Variants in SHBG observed in about 807,000 individuals in gnomAD.
SHBG encodes the protein sex hormone-binding globulin.
A neutral mutation model predicts 41.9 loss-of-function variants in SHBG; 37 were observed. The observed-to-expected ratio is 0.88, with a 90% CI of 0.68 to 1.16. The LOEUF (loss-of-function observed/expected upper bound fraction) is 1.16. Among genes scored for constraint, SHBG ranks in the 50% most tolerant of loss-of-function variants. SHBG has a pLI of 0.00. For missense variants in SHBG, 466 were observed against 499.9 expected, an observed-to-expected ratio of 0.93 and a Z score of 0.65; for synonymous variants, 217 against 205.8, an observed-to-expected ratio of 1.05 and a Z score of -0.47.
At chr17:7,628,145 AC>A (rs747334630), upstream of SHBG, 20 of 458,688 alleles carry the variant, frequency 4.4e-5, no homozygotes, top group Non-Finnish European at 4.4e-6. Flanking sequence ...ACCCGCCCAG[AC>A]CCTGGGTAAG....
At chr17:7,626,713 T>A (rs369574746), upstream of SHBG, 61 of 1,613,986 alleles carry the variant, frequency 3.8e-5, no homozygotes, top group African/African-American at 6.8e-4. Context: ...ATACCCTTGC[T>A]TCTTCAGGTC....
At position 7,630,702 on chromosome 17, in the gene SHBG, C is replaced by A. The variant is rs745807575; in HGVS notation, c.226C>A (p.Arg76=). 21 of 1,613,992 alleles carry A rather than the reference C, an allele frequency of 1.3e-5. No individual in the cohort carries two copies. Among genetic ancestry groups the A allele is most frequent in the Non-Finnish European group, 1.8e-5 (21 of 1,179,962 alleles). ...ITKTSSSFEV[R]TWDPEGVIFY... Reference sequence around the variant, plus strand: ...CAGAACCTCCTCCTCCTTTGAGGTTCGAACCTGGGACCCAGAGGGAGTGAT... The same window carrying A: ...CAGAACCTCCTCCTCCTTTGAGGTTAGAACCTGGGACCCAGAGGGAGTGAT... The change falls in exon 3 of 8, where the codon CGA becomes AGA. Residue 76 remains arginine (R), a synonymous_variant. Transcript: ENST00000380450. This position sits in a 1 kb window ranked among gnomAD's most constrained non-coding sequence, Gnocchi z 4.6.
In SHBG at chr17:7,630,733, A is replaced by G; in HGVS notation, c.257A>G (p.Tyr86Cys). Residue 86 changes from tyrosine to cysteine, a missense_variant, in exon 3 of 8, where the codon TAT becomes TGT. Transcript: ENST00000380450. The surrounding 1 kb of genome is among the most constrained non-coding windows in gnomAD (Gnocchi z 4.6). ...RTWDPEGVIFYGDTNPKDDWF... is the reference protein window; with the variant it reads ...RTWDPEGVIFCGDTNPKDDWF... The stretch of plus-strand genomic sequence containing the variant: ...TGGGACCCAGAGGGAGTGATTTTTT[A>G]TGGGGATACCAACCCTAAGGATGAC... 1.9e-6 allele frequency: 3 copies of G among 1,613,972 alleles called. No individual in the cohort carries two copies. Among genetic ancestry groups the G allele is most frequent in the Non-Finnish European group, 1.7e-6 (2 of 1,179,984 alleles).
intron 1 of SHBG, among the ~76,000 whole-genome samples, chr17:7,618,382 T>C (rs2908809): frequency 0.48 from 72,340 of 151,456 alleles, 18,302 homozygotes; most frequent in South Asian, 0.64. Flanking sequence ...AGTGATTCTC[T>C]TGCCTCAGCC....
At chr17:7,630,127 A>T, upstream of SHBG, 1 of 1,519,958 alleles carries the variant, frequency 6.6e-7, no homozygotes, top group Non-Finnish European at 9.1e-7. This position sits in a 1 kb window ranked among gnomAD's most constrained non-coding sequence, Gnocchi z 4.6. Context: ...GCCTCTACAC[A>T]TTCTCCCAAG....
Position 7,631,673 on chromosome 17 carries a change from C to T in SHBG, c.640C>T (p.Leu214Phe), listed in dbSNP as rs1238247018. The change falls in exon 5 of 8, where the codon CTC (leucine) becomes TTC (phenylalanine). Residue 214 changes from leucine (L) to phenylalanine (F), a missense_variant. Coordinates refer to ENST00000380450, the MANE Select transcript of SHBG (RefSeq NM_001040.5). ...AEISASAPTS[L>F]RSCDVESNPG... The stretch of plus-strand genomic sequence containing the variant: ...GATCTCAGCATCTGCCCCCACTAGC[C>T]TCAGAAGCTGTGATGTAGAATCAAA... 6.2e-7 allele frequency: 1 copy of T among 1,614,108 alleles called. No individual in the cohort carries two copies. The highest frequency in any genetic ancestry group is 1.1e-5 in the South Asian group (1 of 91,090).
At chr17:7,618,705 A>G (rs1251492210) in intron 1 of SHBG, among the ~76,000 whole-genome samples, 1 of 152,160 alleles carries the variant, frequency 6.6e-6, no homozygotes, top group African/African-American at 2.4e-5. Context: ...AAGCTCCATC[A>G]AAATAAGAAG....
At chr17:7,619,636 G>A (rs1447368747) in intron 1 of SHBG, among the ~76,000 whole-genome samples, 2 of 150,076 alleles carry the variant, frequency 1.3e-5, no homozygotes, top group Non-Finnish European at 3.0e-5. Context: ...AACCCGGGAG[G>A]CAGAGGTTGC....
chr17:7,615,947 TCACTTGAG>T (rs1456779439), intron 1 of SHBG, among the ~76,000 whole-genome samples: 1 of 151,572 alleles, frequency 6.6e-6, no homozygotes, highest in Non-Finnish European at 1.5e-5. Flanking sequence ...AGGCGGTGGA[TCACTTGAG>T]CCCAAAAGTT....
Position 7,630,883 on chromosome 17 carries a change from G to T in SHBG, c.393+14G>T. 3.1e-6 allele frequency: 5 copies of T among 1,609,734 alleles called. No individual in the cohort carries two copies. Among genetic ancestry groups the T allele is most frequent in the Non-Finnish European group, 4.2e-6 (5 of 1,178,212 alleles). ...AGATGGCACCAGGTAAGCTAGCTCT[G>T]GTCCTCAGGGGAGGGATGTCTGGAG... On this transcript the variant is annotated intron_variant, in intron 3 of 7. Transcript: ENST00000380450. This position sits in a 1 kb window ranked among gnomAD's most constrained non-coding sequence, Gnocchi z 4.6.
intron 1 of SHBG, among the ~76,000 whole-genome samples, chr17:7,622,807 A>G (rs2072121967): frequency 6.6e-6 from 1 of 150,782 alleles, no homozygotes. Flanking sequence ...AGGTGGTCAG[A>G]TCATTAGGTC....
upstream of SHBG, chr17:7,627,059 A>C: frequency 6.2e-7 from 1 of 1,613,306 alleles, no homozygotes; most frequent in Non-Finnish European, 8.5e-7. This position sits in a 1 kb window ranked among gnomAD's most constrained non-coding sequence, Gnocchi z 4.8. Context: ...GAGAGAGAAA[A>C]GGGGAGTAAG....
intron 4 of SHBG, 73 bp downstream of exon 4, chr17:7,631,434 C>CT (rs2072409803): frequency 6.3e-7 from 1 of 1,582,286 alleles, no homozygotes; most frequent in Non-Finnish European, 8.6e-7. Context: ...CCGTGGGAAT[C>CT]TAAGTCCACA....
intron 1 of SHBG, among the ~76,000 whole-genome samples, chr17:7,617,377 G>T (rs1597892609): frequency 6.6e-6 from 1 of 151,768 alleles, no homozygotes; most frequent in East Asian, 2.0e-4. Context: ...TGAGGCGGGT[G>T]GATCACCTGA....
intron 1 of SHBG, chr17:7,614,536 G>T: frequency 6.8e-7 from 1 of 1,472,118 alleles, no homozygotes. Flanking sequence ...CGCCCATGGC[G>T]CCGCCACCGC....
At chr17:7,623,962 T>G (rs567049526), upstream of SHBG, among the ~76,000 whole-genome samples, 7 of 152,298 alleles carry the variant, frequency 4.6e-5, no homozygotes, top group South Asian at 1.2e-3. Flanking sequence ...TCTTTGGGTT[T>G]GTTTGTTTGT....
At position 7,631,401 on chromosome 17, in the gene SHBG, G is replaced by A. The variant is rs770383869; in HGVS notation, c.555+40G>A. On this transcript the variant is annotated intron_variant, in intron 4 of 7. Transcript: ENST00000380450. ...GGGGTGGAACCCTAGCCAAGACTTG[G>A]TAAAGCACTGCTGGGTGGCTGGCCG... 1.7e-5 allele frequency: 27 copies of A among 1,605,052 alleles called. No individual in the cohort carries two copies. The Admixed American group carries it at 4.5e-4, about 27-fold the overall frequency.
upstream of SHBG, among the ~76,000 whole-genome samples, chr17:7,629,293 G>A (rs151077294): frequency 1.6e-3 from 245 of 151,814 alleles, 2 homozygotes; most frequent in East Asian, 0.035. Flanking sequence ...CAGGAGGATC[G>A]CTTGAACTCG....
chr17:7,624,296 G>A (rs536676003), upstream of SHBG, among the ~76,000 whole-genome samples: 90 of 151,946 alleles, frequency 5.9e-4, no homozygotes, highest in African/African-American at 2.1e-3. Flanking sequence ...CACCCAGGCT[G>A]GAGTGCGGTG....
Sources: allele counts gnomAD v4.1 joint callset (sites outside exome capture counted in the v4.1 genomes callset), GRCh38; gene constraint gnomAD v4.1.1; non-coding constraint Gnocchi (gnomAD v3.1); transcripts MANE v1.5; gene names NCBI Gene and HGNC (gene_info 2026-07-23, HGNC 2026-07-21).